The following CELSR1 variants were observed in gnomAD, a reference collection of about 807,000 sequenced individuals.
CELSR1 encodes the protein adhesion G protein-coupled receptor C1.
In CELSR1, 110 loss-of-function variants were observed where a neutral mutation model predicts 249.1. The observed-to-expected ratio is 0.44, with a 90% confidence interval of 0.38 to 0.52. The LOEUF is 0.52. CELSR1 is among the 20% of genes least tolerant of loss of function. The probability of loss-of-function intolerance (pLI) is 0.00; values close to 1 mark genes in which losing one functional copy is unlikely to be tolerated. For synonymous variants in CELSR1, 2,113 were observed against 1,900.0 expected (o/e 1.11, Z -2.92); for missense variants, 4,109 against 4,296.4 (o/e 0.96, Z 1.22).
At chr22:46,458,270 C>A (rs183091151) in intron 2 of CELSR1, among the ~76,000 whole-genome samples, 1 of 152,158 alleles carries the variant, frequency 6.6e-6, no homozygotes, top group East Asian at 1.9e-4. Context: ...GTGCCACAGG[C>A]CCAGTGACTG....
chr22:46,446,922 C>G lies in CELSR1; in HGVS notation c.4184-7511G>C, dbSNP rs1289489569. Among the ~76,000 whole-genome samples the G allele has an allele frequency of 6.6e-6, 1 of 152,070 alleles. No individual in the cohort carries two copies. Among genetic ancestry groups the G allele is most frequent in the Non-Finnish European group, 1.5e-5 (1 of 68,014 alleles). On this transcript the variant is annotated intron_variant, in intron 2 of 34. Coordinates refer to ENST00000674500, the MANE Select transcript of CELSR1 (RefSeq NM_001378328.1). This position sits in a 1 kb window ranked among gnomAD's most constrained non-coding sequence, Gnocchi z 5.5. ...GTCCCTGTGTTCCTTAGGGCTGACT[C>G]CTAGCACAGAGCCAATTCAGGATTC...
intron 2 of CELSR1, among the ~76,000 whole-genome samples, chr22:46,456,622 C>T (rs963134835): frequency 2.9e-5 from 4 of 140,260 alleles, no homozygotes; most frequent in Non-Finnish European, 4.5e-5. Flanking sequence ...GAGATTGTGC[C>T]GCTGCACTTC....
Position 46,402,075 on chromosome 22 carries a change from G to A in CELSR1, c.5227-2173C>T, listed in dbSNP as rs1054015740. ...CGCACTCCAGCCTGGGCGATGGAGC[G>A]AGACTCCATCTCAAAAACACACAAA... is the stretch of plus-strand genomic sequence containing the variant. On this transcript the variant is annotated intron_variant, in intron 9 of 34. Transcript: ENST00000674500. The surrounding 1 kb of genome is among the most constrained non-coding windows in gnomAD (Gnocchi z 5.0). Among the ~76,000 whole-genome samples the A allele has an allele frequency of 1.3e-5, 2 of 152,084 alleles. No individual in the cohort carries two copies. The highest frequency in any genetic ancestry group is 2.9e-5 in the Non-Finnish European group (2 of 68,004).
intron 1 of CELSR1, among the ~76,000 whole-genome samples, chr22:46,531,600 C>T (rs557069407): frequency 2.6e-5 from 4 of 152,322 alleles, no homozygotes; most frequent in Admixed American, 1.3e-4. Flanking sequence ...GAGGGGAATG[C>T]GAAGAGCGGG....
intron 1 of CELSR1, among the ~76,000 whole-genome samples, chr22:46,480,333 T>C (rs373383210): frequency 4.6e-5 from 7 of 152,196 alleles, no homozygotes; most frequent in Non-Finnish European, 1.0e-4. Context: ...AGATGCAGCA[T>C]GTCAAAATTT....
rs1231386889 is a variant in CELSR1 at position 46,396,588 on chromosome 22, C to T, written c.5843+17G>A. On this transcript the variant is annotated intron_variant, in intron 13 of 34. Coordinates refer to ENST00000674500, the MANE Select transcript of CELSR1 (RefSeq NM_001378328.1). This position sits in a 1 kb window ranked among gnomAD's most constrained non-coding sequence, Gnocchi z 6.4. The stretch of plus-strand genomic sequence containing the variant: ...TGGACTCTGAAGGTGCAGGGAGGCA[C>T]CAGGGGCTGCTCTTACTTGTTCTCA... 1 of 1,543,774 alleles carries T rather than the reference C, an allele frequency of 6.5e-7. No individual in the cohort carries two copies. Among genetic ancestry groups the T allele is most frequent in the African/African-American group, 1.4e-5 (1 of 72,296 alleles).
rs763343120 is a variant in CELSR1, at chr22:46,411,806, T to C, written c.4612-47A>G. On this transcript the variant is annotated intron_variant, in intron 5 of 34. Coordinates refer to ENST00000674500, the MANE Select transcript of CELSR1 (RefSeq NM_001378328.1). This position sits in a 1 kb window ranked among gnomAD's most constrained non-coding sequence, Gnocchi z 4.2. ...AAGGTGTCAGCGTTTTCTCCACCAG[T>C]GCCCTCAGCAGGCGCACCTGTCACT... is the stretch of plus-strand genomic sequence containing the variant. 1.2e-6 allele frequency: 2 copies of C among 1,609,934 alleles called. No individual in the cohort carries two copies. Among genetic ancestry groups the C allele is most frequent in the Non-Finnish European group, 1.7e-6 (2 of 1,179,014 alleles).
intron 4 of CELSR1, among the ~76,000 whole-genome samples, chr22:46,435,277 AAATT>A (rs2079645265): frequency 7.1e-6 from 1 of 141,824 alleles, no homozygotes; most frequent in Admixed American, 6.8e-5. Context: ...AAAAAAAAAA[AAATT>A]TTTTTTTTTT....
intron 1 of CELSR1, among the ~76,000 whole-genome samples, chr22:46,514,394 G>C (rs1449927418): frequency 2.6e-5 from 4 of 152,282 alleles, no homozygotes; most frequent in Admixed American, 2.6e-4. Flanking sequence ...GTTTCACCAG[G>C]CCCCGACGGT....
At position 46,447,032 on chromosome 22, in the gene CELSR1, G is replaced by A. The variant is rs1224215388; in HGVS notation, c.4184-7621C>T. On this transcript the variant is annotated intron_variant, in intron 2 of 34. Coordinates refer to ENST00000674500, the MANE Select transcript of CELSR1 (RefSeq NM_001378328.1). The surrounding 1 kb of genome is among the most constrained non-coding windows in gnomAD (Gnocchi z 4.7). ...CAAAGCGGGAGTGGATTACAGTACT[G>A]TTTATAGGGAGCTGGAGGGGCTGCT... Among the ~76,000 whole-genome samples the A allele has an allele frequency of 6.6e-6, 1 of 151,972 alleles. No homozygotes were observed. The highest frequency in any genetic ancestry group is 1.5e-5 in the Non-Finnish European group (1 of 67,990).
chr22:46,422,060 T>C lies in CELSR1; in HGVS notation c.4612-10301A>G, dbSNP rs150539357. Among the ~76,000 whole-genome samples the C allele has an allele frequency of 1.8e-4, 28 of 152,362 alleles. No homozygotes were observed. In the East Asian group the frequency reaches 5.4e-3, roughly 29 times the overall value. The stretch of plus-strand genomic sequence containing the variant: ...TTAATTAACTTTGTAAAAGTTTAGC[T>C]TCTTTATCTTACATATTCTGTATAT... On this transcript the variant is annotated intron_variant, in intron 5 of 34. Transcript: ENST00000674500.
intron 5 of CELSR1, among the ~76,000 whole-genome samples, chr22:46,431,804 A>G (rs2079598892): frequency 6.6e-6 from 1 of 152,218 alleles, no homozygotes; most frequent in African/African-American, 2.4e-5. Flanking sequence ...ATGGCAGCAA[A>G]TAAATCCGCG....
intron 5 of CELSR1, among the ~76,000 whole-genome samples, chr22:46,418,328 CA>C (rs1034526566): frequency 6.6e-6 from 1 of 151,574 alleles, no homozygotes; most frequent in East Asian, 1.9e-4. Flanking sequence ...TGAAAAAATA[CA>C]AAAAAAATTA....
At position 46,500,126 on chromosome 22, in the gene CELSR1, GC is replaced by G. The variant is rs911644639; in HGVS notation, c.3544+33500del. Among the ~76,000 whole-genome samples the G allele has an allele frequency of 7.6e-6, 1 of 131,404 alleles. No individual in the cohort carries two copies. Among genetic ancestry groups the G allele is most frequent in the African/African-American group, 3.0e-5 (1 of 33,426 alleles). 86.2% of individuals were successfully genotyped at this position (131,404 alleles called of 152,430 possible). ...ATCCTCCCAGCATGATCCCACCCCA[GC>G]CCCTGGTCCTCCCAGCATGATCCCA... On this transcript the variant is annotated intron_variant, in intron 1 of 34. Transcript: ENST00000674500. The surrounding 1 kb of genome is among the most constrained non-coding windows in gnomAD (Gnocchi z 4.9).
chr22:46,367,451 T>C (rs2078798371), intron 28 of CELSR1, among the ~76,000 whole-genome samples: 1 of 152,202 alleles, frequency 6.6e-6, no homozygotes, highest in Non-Finnish European at 1.5e-5. Flanking sequence ...TGTGTGGCCC[T>C]TGGTATGACT....
intron 20 of CELSR1, among the ~76,000 whole-genome samples, chr22:46,382,338 C>CAT (rs2078987502): frequency 6.6e-6 from 1 of 152,040 alleles, no homozygotes; most frequent in African/African-American, 2.4e-5. Context: ...AGTGCAGTGG[C>CAT]GCCATCTCGG....
Position 46,394,175 on chromosome 22 carries a change from G to C in CELSR1, c.5931C>G (p.Asp1977Glu). The C allele has an allele frequency of 6.2e-7, 1 of 1,614,138 alleles. No individual in the cohort carries two copies. The highest frequency in any genetic ancestry group is 8.5e-7 in the Non-Finnish European group (1 of 1,179,996). Residue 1977 changes from aspartate (D) to glutamate (E), a missense_variant, in exon 14 of 35, where the codon GAC (aspartate) becomes GAG (glutamate). Coordinates refer to ENST00000674500, the MANE Select transcript of CELSR1 (RefSeq NM_001378328.1). ...GGCACTGGCCGTTGGTCTTATTACA[G>C]TCGGGATCAAAGCCTTTGCTGACGG... ...HCAVSKGFDPDCNKTNGQCQC... is the reference protein window; with the variant it reads ...HCAVSKGFDPECNKTNGQCQC...
rs927556568 is a variant in CELSR1 at position 46,395,580 on chromosome 22, G to A, written c.5843+1025C>T. Among the ~76,000 whole-genome samples, 7 of 152,176 alleles carry A rather than the reference G, an allele frequency of 4.6e-5. No individual in the cohort carries two copies. Among genetic ancestry groups the A allele is most frequent in the Non-Finnish European group, 1.0e-4 (7 of 68,028 alleles). On this transcript the variant is annotated intron_variant, in intron 13 of 34. Coordinates refer to ENST00000674500, the MANE Select transcript of CELSR1 (RefSeq NM_001378328.1). This position sits in a 1 kb window ranked among gnomAD's most constrained non-coding sequence, Gnocchi z 5.5. ...CTTGCTGATATCCAAGAATGATGTG[G>A]TGCCATCTTCTCGTGAGGTCACCAG... is the stretch of plus-strand genomic sequence containing the variant.
At chr22:46,367,336 G>A (rs75097576) in intron 28 of CELSR1, among the ~76,000 whole-genome samples, 13,329 of 152,336 alleles carry the variant, frequency 0.087, 646 homozygotes, top group African/African-American at 0.11. Flanking sequence ...GACCCCCGGT[G>A]TGCTGGAGGC....
Sources: gnomAD v4.1 joint callset for allele counts (sites outside exome capture counted in the v4.1 genomes callset) on GRCh38, gnomAD v4.1.1 for gene constraint, Gnocchi (gnomAD v3.1) non-coding constraint, MANE v1.5 for transcripts, NCBI Gene and HGNC (gene_info 2026-07-23, HGNC 2026-07-21) for gene names.